FRMD6: variants seen among roughly 807,000 people sequenced by gnomAD.
FRMD6 encodes the protein FERM domain containing 6.
In FRMD6, 37 loss-of-function variants were observed where a neutral mutation model predicts 73.2. That is an observed-to-expected ratio of 0.51 (90% confidence interval 0.39 to 0.66). FRMD6 has a LOEUF of 0.66. Among genes scored for constraint, FRMD6 ranks in the 30% least tolerant of loss-of-function variants. The pLI, the probability that FRMD6 is intolerant of heterozygous loss-of-function variation, is 0.00. For missense variants in FRMD6, 714 were observed against 780.5 expected, an observed-to-expected ratio of 0.91 and a Z score of 1.02; for synonymous variants, 273 against 282.2, an observed-to-expected ratio of 0.97 and a Z score of 0.33.
In FRMD6 at chr14:51,720,240, C is replaced by G. The variant is rs543227572; in HGVS notation, c.1210C>G (p.Arg404Gly). The G allele has an allele frequency of 6.2e-7, 1 of 1,613,956 alleles. No individual in the cohort carries two copies. Among genetic ancestry groups the G allele is most frequent in the South Asian group, 1.1e-5 (1 of 91,064 alleles). Residue 404 changes from arginine (R) to glycine (G), a missense_variant, in exon 11 of 14, where the codon CGG (arginine) becomes GGG (glycine). By Grantham distance (125) the Arg-to-Gly change is moderately radical. Transcript: ENST00000344768. ...TSGIEADTKP[R>G]DTGPEDSYSS... ...GGGCATTGAGGCAGACACCAAGCCC[C>G]GGGACACGGGGCCAGAAGACAGCTA...
chr14:51,481,252 A>G, the FRMD6 span, among the ~76,000 whole-genome samples: 1 of 152,226 alleles, frequency 6.6e-6, no homozygotes, highest in Non-Finnish European at 1.5e-5. Context: ...TAATTTATTT[A>G]AAAGAAAAAA....
chr14:51,454,248 C>A, the FRMD6 span, among the ~76,000 whole-genome samples: 1 of 152,320 alleles, frequency 6.6e-6, no homozygotes. Context: ...TACCTTCTGG[C>A]TTTTAAAATG....
At chr14:51,614,573 G>T (rs1890637659) in intron 2 of FRMD6, among the ~76,000 whole-genome samples, 1 of 151,876 alleles carries the variant, frequency 6.6e-6, no homozygotes, top group Non-Finnish European at 1.5e-5. Flanking sequence ...GTTTTTTGTG[G>T]TCTCTTTTCC....
chr14:51,589,830 A>T (rs1889277740), intron 2 of FRMD6, among the ~76,000 whole-genome samples: 1 of 152,204 alleles, frequency 6.6e-6, no homozygotes, highest in Admixed American at 6.5e-5. Flanking sequence ...GTGCTTTGGG[A>T]GGCTGAGGCG....
chr14:51,397,191 A>T, the FRMD6 span: 10 of 152,380 alleles, frequency 6.6e-5, no homozygotes, highest in African/African-American at 2.2e-4. Context: ...AGACTTGGGC[A>T]GAGAGGCTGA....
At chr14:51,543,126 G>T (rs963096378) in intron 1 of FRMD6, among the ~76,000 whole-genome samples, 2 of 151,914 alleles carry the variant, frequency 1.3e-5, no homozygotes, top group Non-Finnish European at 2.9e-5. Flanking sequence ...ATTGCTTGCA[G>T]AAAGGCACCC....
rs775774952 is a variant in FRMD6, at chr14:51,727,788, T to C, written c.1628T>C (p.Leu543Ser). The C allele has an allele frequency of 1.2e-6, 2 of 1,612,722 alleles. No individual in the cohort carries two copies. Among genetic ancestry groups the C allele is most frequent in the Admixed American group, 3.3e-5 (2 of 59,996 alleles). ...AAGACCTCCACTGATCGACACAGCT[T>C]GAGCCTCGATGACATCAGACTTTAC... is the stretch of plus-strand genomic sequence containing the variant. ...KPKTSTDRHS[L>S]SLDDIRLYQK... Residue 543 changes from leucine (L) to serine (S), a missense_variant, in exon 14 of 14, where the codon TTG (leucine) becomes TCG (serine). Transcript: ENST00000344768.
At chr14:51,573,783 C>T (rs1323330098) in intron 2 of FRMD6, among the ~76,000 whole-genome samples, 1 of 152,296 alleles carries the variant, frequency 6.6e-6, no homozygotes, top group East Asian at 1.9e-4. Context: ...CAGATGACTA[C>T]TTACCAAGAC....
chr14:51,569,725 C>T (rs1296772000), intron 1 of FRMD6, among the ~76,000 whole-genome samples: 2 of 151,796 alleles, frequency 1.3e-5, no homozygotes, highest in Non-Finnish European at 2.9e-5. Flanking sequence ...TACTCTCAAA[C>T]TCCTAGGCTC....
In FRMD6 at chr14:51,728,193, C is replaced by T; in HGVS notation, c.*164C>T. The T allele has an allele frequency of 1.5e-6, 1 of 662,628 alleles. No homozygotes were observed. The highest frequency in any genetic ancestry group is 2.8e-5 in the East Asian group (1 of 36,246). 41.0% of individuals were successfully genotyped at this position (662,628 alleles called of 1,614,324 possible). On this transcript the variant is annotated 3_prime_UTR_variant, in exon 14 of 14. Transcript: ENST00000344768. ...AAACAAAAGCCTTGGAACAATTGCA[C>T]TTTAAGTATTACACAGAAGTAAAAG... is the stretch of plus-strand genomic sequence containing the variant.
At chr14:51,577,233 G>T (rs1368580004) in intron 2 of FRMD6, among the ~76,000 whole-genome samples, 2 of 151,856 alleles carry the variant, frequency 1.3e-5, no homozygotes, top group East Asian at 3.9e-4. Flanking sequence ...TAGGAGCCCT[G>T]AGACATCTTA....
intron 1 of FRMD6, among the ~76,000 whole-genome samples, chr14:51,511,491 A>G (rs191389245): frequency 1.7e-4 from 26 of 152,372 alleles, no homozygotes; most frequent in African/African-American, 6.0e-4. Flanking sequence ...ACATTGGTTT[A>G]CAAGCCATCA....
At chr14:51,513,126 G>A (rs893288937) in intron 1 of FRMD6, among the ~76,000 whole-genome samples, 4 of 152,168 alleles carry the variant, frequency 2.6e-5, no homozygotes, top group Non-Finnish European at 5.9e-5. Context: ...CACCCTCAGG[G>A]CCATCTACAT....
the FRMD6 span, among the ~76,000 whole-genome samples, chr14:51,452,385 T>A: frequency 6.6e-6 from 1 of 152,208 alleles, no homozygotes; most frequent in South Asian, 2.1e-4. Flanking sequence ...CCTTCAGTCC[T>A]GGGAAAATGG....
At chr14:51,455,093 G>T in the FRMD6 span, among the ~76,000 whole-genome samples, 2 of 152,192 alleles carry the variant, frequency 1.3e-5, no homozygotes, top group Admixed American at 6.5e-5. Context: ...GTGAGCAGTA[G>T]TCAAGTAAAT....
intron 2 of FRMD6, among the ~76,000 whole-genome samples, chr14:51,583,388 G>A (rs1343202831): frequency 2.0e-5 from 3 of 152,140 alleles, no homozygotes; most frequent in Non-Finnish European, 2.9e-5. Context: ...AGAAAATAGC[G>A]AAGATCCTTG....
chr14:51,420,224 C>G, the FRMD6 span, among the ~76,000 whole-genome samples: 2 of 152,180 alleles, frequency 1.3e-5, no homozygotes, highest in Admixed American at 1.3e-4. Context: ...GAGAAATATA[C>G]TTCTATTATG....
chr14:51,430,867 T>C, the FRMD6 span, among the ~76,000 whole-genome samples: 2 of 152,184 alleles, frequency 1.3e-5, no homozygotes, highest in Non-Finnish European at 2.9e-5. Context: ...ATGCTTCTTA[T>C]GGACTTAGGA....
At chr14:51,715,267 G>A (rs895477449) in intron 9 of FRMD6, 58 bp from the exon 10 acceptor site, 4 of 1,320,200 alleles carry the variant, frequency 3.0e-6, no homozygotes, top group Middle Eastern at 1.9e-4. Flanking sequence ...AAACAAAGGG[G>A]ACTTTGGCAA....
Sources: allele counts gnomAD v4.1 joint callset (sites outside exome capture counted in the v4.1 genomes callset), GRCh38; gene constraint gnomAD v4.1.1; transcripts MANE v1.5; gene names NCBI Gene and HGNC (gene_info 2026-07-23, HGNC 2026-07-21).